Variants in DGKG observed in about 807,000 individuals in gnomAD.
The protein encoded by DGKG is DAG kinase gamma.
A neutral mutation model predicts 105.3 loss-of-function variants in DGKG; 78 were observed. That is an observed-to-expected ratio of 0.74 (90% confidence interval 0.62 to 0.89). The LOEUF (loss-of-function observed/expected upper bound fraction) is 0.89. Ranked by LOEUF, DGKG falls within the 40% of genes least tolerant of loss-of-function variation. DGKG has a pLI of 0.00. For missense variants in DGKG, 958 were observed against 1,020.1 expected (o/e 0.94, Z 0.83); for synonymous variants, 346 against 367.1 (o/e 0.94, Z 0.66).
chr3:186,344,928 T>A (rs1003545733), intron 1 of DGKG, among the ~76,000 whole-genome samples: 5 of 152,188 alleles, frequency 3.3e-5, no homozygotes, highest in African/African-American at 4.8e-5. Context: ...ACGCAGCATA[T>A]AATTTTTTCA....
In DGKG at chr3:186,150,085, A is replaced by C. The variant is rs577796218; in HGVS notation, c.*5T>G. 59 of 1,610,760 alleles carry C rather than the reference A, an allele frequency of 3.7e-5. No individual in the cohort carries two copies. In the South Asian group the frequency reaches 5.6e-4, roughly 15 times the overall value. Reference sequence around the variant, plus strand: ...TCTTGGTTTAGCTGGTGTTTGGCACACTGTTTAGTCTTTTGAACGGCTCTT... The same window carrying C: ...TCTTGGTTTAGCTGGTGTTTGGCACCCTGTTTAGTCTTTTGAACGGCTCTT... On this transcript the variant is annotated 3_prime_UTR_variant, in exon 25 of 25. Coordinates refer to ENST00000265022, the MANE Select transcript of DGKG (RefSeq NM_001346.3).
chr3:186,176,999 G>A (rs1717114264), intron 22 of DGKG, among the ~76,000 whole-genome samples: 2 of 152,162 alleles, frequency 1.3e-5, no homozygotes, highest in African/African-American at 4.8e-5. Flanking sequence ...TGGGGAGGGA[G>A]GAATCACCTG....
chr3:186,285,215 T>G (rs1375571791), intron 6 of DGKG, among the ~76,000 whole-genome samples: 1 of 152,190 alleles, frequency 6.6e-6, no homozygotes, highest in East Asian at 1.9e-4. Flanking sequence ...CTAGGATTAT[T>G]ATGAAGATTA....
In DGKG at chr3:186,148,978, A is replaced by AAATATATAGGCTAAATATATATAAT. The variant is rs1715628755; in HGVS notation, c.*1111_*1112insATTATATATATTTAGCCTATATATT. 1.7e-6 allele frequency: 1 copy of AAATATATAGGCTAAATATATATAAT among 601,276 alleles called. No homozygotes were observed. The highest frequency in any genetic ancestry group is 7.3e-5 in the South Asian group (1 of 13,788). The allele number at this position is 601,276 out of a possible 1,614,324, so 37.2% of individuals were successfully genotyped here. On this transcript the variant is annotated 3_prime_UTR_variant, in exon 25 of 25. Coordinates refer to ENST00000265022, the MANE Select transcript of DGKG (RefSeq NM_001346.3). ...AAATATTTATATATATATATATATA[A>AAATATATAGGCTAAATATATATAAT]ATATATAGGCTAAATATATATATAT...
chr3:186,354,695 T>A (rs773523291), intron 1 of DGKG, among the ~76,000 whole-genome samples: 35 of 152,224 alleles, frequency 2.3e-4, no homozygotes, highest in Non-Finnish European at 4.4e-4. Flanking sequence ...TAACTTTCAC[T>A]GAAGCATCAA....
intron 22 of DGKG, among the ~76,000 whole-genome samples, chr3:186,183,907 T>C (rs1214960423): frequency 3.3e-5 from 5 of 152,128 alleles, no homozygotes; most frequent in Non-Finnish European, 5.9e-5. Context: ...TTTCTCCATG[T>C]TGGTCAGGCT....
At chr3:186,317,987 G>A (rs1724897430) in intron 2 of DGKG, among the ~76,000 whole-genome samples, 1 of 152,068 alleles carries the variant, frequency 6.6e-6, no homozygotes, top group Non-Finnish European at 1.5e-5. Context: ...ATCTTTGATG[G>A]CTTCCTTTTG....
chr3:186,169,290 G>T (rs1186944201), intron 22 of DGKG, among the ~76,000 whole-genome samples: 3 of 152,178 alleles, frequency 2.0e-5, no homozygotes, highest in Admixed American at 6.5e-5. Flanking sequence ...GTAAGAATAT[G>T]CATAAAAGAA....
intron 1 of DGKG, among the ~76,000 whole-genome samples, chr3:186,342,385 T>C (rs1726130800): frequency 6.6e-6 from 1 of 152,208 alleles, no homozygotes; most frequent in African/African-American, 2.4e-5. Context: ...ACTGTTATTC[T>C]GTCATAAGGG....
intron 15 of DGKG, among the ~76,000 whole-genome samples, chr3:186,260,815 T>G (rs75849818): frequency 0.01 from 1,540 of 152,330 alleles, 29 homozygotes; most frequent in African/African-American, 0.035. Context: ...AGAACTTTCA[T>G]TCTAAAGCTT....
At chr3:186,283,698 A>G (rs1479977391) in intron 7 of DGKG, among the ~76,000 whole-genome samples, 4 of 152,262 alleles carry the variant, frequency 2.6e-5, no homozygotes, top group Non-Finnish European at 5.9e-5. Flanking sequence ...AGTGCCTGAC[A>G]TAATGCAGAT....
intron 17 of DGKG, among the ~76,000 whole-genome samples, chr3:186,255,372 T>C (rs1721417767): frequency 6.6e-6 from 1 of 152,110 alleles, no homozygotes; most frequent in Non-Finnish European, 1.5e-5. Context: ...CACATTCACG[T>C]TGGAAAACAA....
At chr3:186,160,911 G>A (rs898719912) in intron 24 of DGKG, 5 of 985,450 alleles carry the variant, frequency 5.1e-6, no homozygotes, top group Non-Finnish European at 6.0e-6. Flanking sequence ...AATGGAGATA[G>A]TCTATTTTTG....
At chr3:186,286,351 C>T (rs1030718174) in intron 6 of DGKG, among the ~76,000 whole-genome samples, 4 of 152,140 alleles carry the variant, frequency 2.6e-5, no homozygotes, top group African/African-American at 7.2e-5. Context: ...TGGGCCTAGG[C>T]GACTCTCCAA....
At chr3:186,245,431 G>A (rs537544997) in intron 19 of DGKG, among the ~76,000 whole-genome samples, 1 of 152,312 alleles carries the variant, frequency 6.6e-6, no homozygotes, top group South Asian at 2.1e-4. Flanking sequence ...GAGCTTCTAT[G>A]TCAGGCAATG....
chr3:186,279,751 G>C (rs13319664), intron 9 of DGKG, 100 bp downstream of exon 9: 121,498 of 1,424,260 alleles, frequency 0.085, 6,511 homozygotes, highest in African/African-American at 0.24. Context: ...ACGTCTGTTG[G>C]GCAGTCTGGA....
chr3:186,310,265 C>CAAAAAAAAAAAAAAAA lies in DGKG; in HGVS notation c.68-3304_68-3289dup, dbSNP rs1165723037. On this transcript the variant is annotated intron_variant, in intron 2 of 24. Coordinates refer to ENST00000265022, the MANE Select transcript of DGKG (RefSeq NM_001346.3). Reference sequence around the variant, plus strand: ...CTGGCAACAAAGCAAGACTCCGTCTCAAAAAAAAAAAAAAAAAAAAAAAAC... The same window carrying CAAAAAAAAAAAAAAAA: ...CTGGCAACAAAGCAAGACTCCGTCTCAAAAAAAAAAAAAAAAAAAAAAAAAAAAAAAAAAAAAAAAC... 1.1e-3 allele frequency among the ~76,000 whole-genome samples: 37 copies of CAAAAAAAAAAAAAAAA among 33,296 alleles called. 3 individuals are homozygous for CAAAAAAAAAAAAAAAA. Among genetic ancestry groups the CAAAAAAAAAAAAAAAA allele is most frequent in the African/African-American group, 2.9e-3 (32 of 11,098 alleles). 21.8% of individuals were successfully genotyped at this position (33,296 alleles called of 152,430 possible). A position where few individuals can be genotyped will look rare whatever the true frequency, so the allele number is the denominator to read the frequency against.
At chr3:186,253,066 G>A (rs771686794) in intron 18 of DGKG, 27 bp downstream of exon 18, 1 of 1,604,372 alleles carries the variant, frequency 6.2e-7, no homozygotes, top group Non-Finnish European at 8.5e-7. Context: ...CTGTTCCCAG[G>A]GTACCACCAT....
chr3:186,253,967 C>T (rs1721342058), intron 17 of DGKG, among the ~76,000 whole-genome samples: 1 of 152,216 alleles, frequency 6.6e-6, no homozygotes. Context: ...TTGTCACTTC[C>T]ACCACCTCTC....
Sources: gnomAD v4.1 joint callset for allele counts (sites outside exome capture counted in the v4.1 genomes callset) on GRCh38, gnomAD v4.1.1 for gene constraint, MANE v1.5 for transcripts, NCBI Gene and HGNC (gene_info 2026-07-23, HGNC 2026-07-21) for gene names.